The following ADPRHL1 variants were observed in gnomAD, a reference collection of about 807,000 sequenced individuals.
ADPRHL1 encodes inactive ADP-ribosyltransferase ARH2.
Under a neutral mutation model 44.1 loss-of-function variants are expected in ADPRHL1, and 43 were observed. The ratio of observed to expected loss-of-function variants is 0.98; its 90% CI spans 0.76 to 1.26. The LOEUF (loss-of-function observed/expected upper bound fraction) is 1.26. Among genes scored for constraint, ADPRHL1 ranks in the 50% most tolerant of loss-of-function variants. The pLI, the probability that ADPRHL1 is intolerant of heterozygous loss-of-function variation, is 0.00. For synonymous variants in ADPRHL1, 878 were observed against 1,017.4 expected (o/e 0.86, Z 2.61); for missense variants, 2,022 against 2,496.9 (o/e 0.81, Z 4.05).
At chr13:113,422,781 G>C in intron 7 of ADPRHL1, 45 bp downstream of exon 7, 1 of 1,610,278 alleles carries the variant, frequency 6.2e-7, no homozygotes, top group Non-Finnish European at 8.5e-7. Context: ...CGGGCCCCGG[G>C]GTGGAATCGG....
At chr13:113,411,778 C>T (rs113653897) in intron 7 of ADPRHL1, among the ~76,000 whole-genome samples, 15 of 152,364 alleles carry the variant, frequency 9.8e-5, no homozygotes, top group African/African-American at 2.4e-4. Context: ...TTCAGGATGA[C>T]GCCCTTGGCG....
rs1246464793 is a variant in ADPRHL1, at chr13:113,444,459, G to A, written c.345C>T (p.Tyr115=). ...TGAACGGTGTGTGCCAGGCGAGAAG[G>A]TAGTTATTGGGCTTTAGCTGAGCAC... ...EGCAQLKPNN[Y]LLAWHTPFNE... The change falls in exon 2 of 8, where the codon TAC becomes TAT. Residue 115 remains tyrosine (Y), a synonymous_variant. Transcript: ENST00000612156. 6.2e-7 allele frequency: 1 copy of A among 1,614,212 alleles called. No individual in the cohort carries two copies. The highest frequency in any genetic ancestry group is 1.1e-5 in the South Asian group (1 of 91,080).
chr13:113,405,611 G>C lies in ADPRHL1; in HGVS notation c.3671C>G (p.Ala1224Gly), dbSNP rs1190048027. ...DAAALARHPEAARLYISNTSA... is the reference protein window; with the variant it reads ...DAAALARHPEGARLYISNTSA... The stretch of plus-strand genomic sequence containing the variant: ...TGTGTTTGAAATGTATAATCGGGCC[G>C]CCTCTGGGTGCCGGGCGAGGGCCGC... The change falls in exon 8 of 8, where the codon GCG (alanine) becomes GGG (glycine). Residue 1224 changes from alanine to glycine, a missense_variant. Physicochemically the swap from Ala to Gly is moderately conservative, Grantham distance 60 (BLOSUM62 0). Transcript: ENST00000612156. 4 of 1,232,596 alleles carry C rather than the reference G, an allele frequency of 3.2e-6. No individual in the cohort carries two copies. In the African/African-American group the frequency reaches 4.7e-5, roughly 14 times the overall value. The allele number at this position is 1,232,596 out of a possible 1,614,324, so 76.4% of individuals were successfully genotyped here. A position where few individuals can be genotyped will look rare whatever the true frequency, so the allele number is the denominator to read the frequency against.
In ADPRHL1 at chr13:113,404,448, C is replaced by A. The variant is rs1454170265; in HGVS notation, c.4834G>T (p.Ala1612Ser). The change falls in exon 8 of 8, where the codon GCT (alanine) becomes TCT (serine). Residue 1612 changes from alanine to serine, a missense_variant. Around this residue, in one of 8 missense-constraint regions of ADPRHL1, gnomAD observed 78 missense variants for 76.5 expected, o/e 1.02. Transcript: ENST00000612156. ...GEVQKWAQEE[A>S]QGQAQWQTQI... ...GTCTGCCACTGGGCCTGTCCCTGAG[C>A]CTCTTCCTGGGCCCATTTCTGAACC... 2.0e-5 allele frequency: 26 copies of A among 1,315,188 alleles called. No individual in the cohort carries two copies. Among genetic ancestry groups the A allele is most frequent in the Non-Finnish European group, 2.4e-5 (25 of 1,039,834 alleles). The allele number at this position is 1,315,188 out of a possible 1,614,324, so 81.5% of individuals were successfully genotyped here. A position where few individuals can be genotyped will look rare whatever the true frequency, so the allele number is the denominator to read the frequency against.
chr13:113,431,272 G>A (rs532301036), intron 3 of ADPRHL1, among the ~76,000 whole-genome samples: 97 of 152,346 alleles, frequency 6.4e-4, no homozygotes, highest in Non-Finnish European at 1.2e-3. Context: ...CACGGTGAAC[G>A]GCCACTCAAC....
chr13:113,437,124 A>G (rs12868654), intron 2 of ADPRHL1, among the ~76,000 whole-genome samples: 40 of 100,818 alleles, frequency 4.0e-4, no homozygotes, highest in Admixed American at 7.4e-4. Flanking sequence ...CAGCACCCAC[A>G]CGTAGAGTGA....
Position 113,403,144 on chromosome 13 carries a change from C to T in ADPRHL1, c.*234G>A. 2.8e-6 allele frequency: 1 copy of T among 360,610 alleles called. No individual in the cohort carries two copies. The highest frequency in any genetic ancestry group is 4.9e-6 in the Non-Finnish European group (1 of 203,478). The allele number at this position is 360,610 out of a possible 1,614,324, so 22.3% of individuals were successfully genotyped here. ...GAATCCCGAGGGCCTGGTGAGGCCA[C>T]AGGCCCGCACCTCCCACCCCCATGG... On this transcript the variant is annotated 3_prime_UTR_variant, in exon 8 of 8. Transcript: ENST00000612156.
intron 1 of ADPRHL1, among the ~76,000 whole-genome samples, chr13:113,451,439 C>T (rs1005372903): frequency 5.3e-5 from 8 of 152,084 alleles, no homozygotes; most frequent in Admixed American, 2.0e-4. Flanking sequence ...ACAAACTAGA[C>T]GCTGCAGCAG....
At position 113,403,220 on chromosome 13, in the gene ADPRHL1, C is replaced by T; in HGVS notation, c.*158G>A. 2 of 634,468 alleles carry T rather than the reference C, an allele frequency of 3.2e-6. No individual in the cohort carries two copies. The highest frequency in any genetic ancestry group is 4.5e-6 in the Non-Finnish European group (2 of 443,462). 39.3% of individuals were successfully genotyped at this position (634,468 alleles called of 1,614,324 possible). Reference sequence around the variant, plus strand: ...AACCCGACCCACATGTAGCTCAATCCTCCCAAGGTCAGCTTGTGAAGAAGG... The same window carrying T: ...AACCCGACCCACATGTAGCTCAATCTTCCCAAGGTCAGCTTGTGAAGAAGG... On this transcript the variant is annotated 3_prime_UTR_variant, in exon 8 of 8. Coordinates refer to ENST00000612156, the MANE Select transcript of ADPRHL1 (RefSeq NM_001394807.1).
At chr13:113,428,759 A>G (rs2043985011) in intron 4 of ADPRHL1, among the ~76,000 whole-genome samples, 193 bp downstream of exon 4, 1 of 152,256 alleles carries the variant, frequency 6.6e-6, no homozygotes, top group Non-Finnish European at 1.5e-5. Context: ...CTCCCAGGTC[A>G]GGGCAGAGGC....
intron 1 of ADPRHL1, among the ~76,000 whole-genome samples, chr13:113,450,879 A>G (rs997943722): frequency 1.3e-4 from 20 of 152,018 alleles, no homozygotes; most frequent in Non-Finnish European, 2.6e-4. Flanking sequence ...ACTGCGGGCG[A>G]GCCTGACTCA....
At chr13:113,419,358 C>T (rs1162503474) in intron 7 of ADPRHL1, among the ~76,000 whole-genome samples, 3 of 146,372 alleles carry the variant, frequency 2.0e-5, no homozygotes, top group Admixed American at 7.0e-5. Context: ...CTCAAGCGAT[C>T]CTCCCGCCTC....
Position 113,453,202 on chromosome 13 carries a change from G to T in ADPRHL1, c.214+22C>A, listed in dbSNP as rs778834160. 2 of 1,612,878 alleles carry T rather than the reference G, an allele frequency of 1.2e-6. No individual in the cohort carries two copies. Among genetic ancestry groups the T allele is most frequent in the Non-Finnish European group, 1.7e-6 (2 of 1,179,326 alleles). ...AGTGTTCCCTCCAGCCCGCACACCG[G>T]AGCGCGGTGGGCCCAGCCTACCTGT... On this transcript the variant is annotated intron_variant, in intron 1 of 7. Transcript: ENST00000612156. The surrounding 1 kb of genome is among the most constrained non-coding windows in gnomAD (Gnocchi z 5.4).
Position 113,404,384 on chromosome 13 carries a change from T to C in ADPRHL1, c.4898A>G (p.Gln1633Arg). ...CTGAACCCGTTCCTGAGCCCCTTTC[T>C]GGGTCTGTTCCTGAGCCCATTTCTG... The part of the protein sequence containing the change: ...KAQKWAQEQT[Q>R]KGAQERVQGQ... The change falls in exon 8 of 8, where the codon CAG (glutamine) becomes CGG (arginine). Residue 1633 changes from glutamine to arginine, a missense_variant. Gln to Arg is a conservative substitution (Grantham distance 43, BLOSUM62 1). Transcript: ENST00000612156. The C allele has an allele frequency of 7.5e-7, 1 of 1,324,658 alleles. No homozygotes were observed. The highest frequency in any genetic ancestry group is 9.6e-7 in the Non-Finnish European group (1 of 1,045,360). The allele number at this position is 1,324,658 out of a possible 1,614,324, so 82.1% of individuals were successfully genotyped here. A position where few individuals can be genotyped will look rare whatever the true frequency, so the allele number is the denominator to read the frequency against.
intron 1 of ADPRHL1, among the ~76,000 whole-genome samples, chr13:113,451,147 A>T (rs997613573): frequency 6.6e-6 from 1 of 152,122 alleles, no homozygotes; most frequent in Admixed American, 6.5e-5. Context: ...ACACCTCACT[A>T]TGTCCCCTCA....
chr13:113,421,847 C>G (rs2043925896), intron 7 of ADPRHL1: 1 of 152,268 alleles, frequency 6.6e-6, no homozygotes, highest in South Asian at 2.1e-4. Context: ...GAGGCTGGGG[C>G]TTCCTCTGGG....
In ADPRHL1 at chr13:113,400,737, G is replaced by C. The variant is rs2043754865; in HGVS notation, c.*2641C>G. ...CACACAGAGTAGCTGTGCTGTTTTT[G>C]AGCTGAGGGCAGTGTCATGCTGGGC... On this transcript the variant is annotated 3_prime_UTR_variant, in exon 8 of 8. Coordinates refer to ENST00000612156, the MANE Select transcript of ADPRHL1 (RefSeq NM_001394807.1). 6.6e-6 allele frequency: 1 copy of C among 152,186 alleles called. No individual in the cohort carries two copies. Among genetic ancestry groups the C allele is most frequent in the South Asian group, 2.1e-4 (1 of 4,830 alleles). The allele number at this position is 152,186 out of a possible 1,614,324, so 9.4% of individuals were successfully genotyped here. A position where few individuals can be genotyped will look rare whatever the true frequency, so the allele number is the denominator to read the frequency against.
At chr13:113,433,585 CA>C (rs1157415525) in intron 3 of ADPRHL1, among the ~76,000 whole-genome samples, 156 bp downstream of exon 3, 2 of 152,236 alleles carry the variant, frequency 1.3e-5, no homozygotes, top group African/African-American at 4.8e-5. Context: ...AGGCAGCCGG[CA>C]GGTGCAGGGT....
In ADPRHL1 at chr13:113,444,575, C is replaced by G. The variant is rs1276793292; in HGVS notation, c.229G>C (p.Asp77His). The change falls in exon 2 of 8, where the codon GAT becomes CAT. Residue 77 changes from aspartate to histidine, a missense_variant. Asp to His is a moderately conservative substitution (Grantham distance 81). This residue lies in a region of ADPRHL1 where 437 missense variants were observed against 430.7 expected (regional missense o/e 1.01). Transcript: ENST00000612156. ...CTCACCATCTCCCGGTACAGATCAT[C>G]CAGGCACCAGTAGTCTGCGGAAGAA... ...EALTTDYWCL[D>H]DLYREMVRCY... The G allele has an allele frequency of 6.2e-7, 1 of 1,613,920 alleles. No homozygotes were observed. The highest frequency in any genetic ancestry group is 2.2e-5 in the East Asian group (1 of 44,896).
Sources: gnomAD v4.1 joint callset for allele counts (sites outside exome capture counted in the v4.1 genomes callset) on GRCh38, gnomAD v4.1.1 for gene constraint, gnomAD v4.1.1 regional missense constraint, Gnocchi (gnomAD v3.1) non-coding constraint, MANE v1.5 for transcripts, NCBI Gene and HGNC (gene_info 2026-07-23, HGNC 2026-07-21) for gene names.